NR5A2: variants seen among roughly 807,000 people sequenced by gnomAD.
NR5A2 encodes the protein CYP7A promoter-binding factor.
A neutral mutation model predicts 62.7 loss-of-function variants in NR5A2; 26 were observed. The ratio of observed to expected loss-of-function variants is 0.41; its 90% confidence interval spans 0.30 to 0.58. NR5A2 has a LOEUF of 0.58. Ranked by LOEUF, NR5A2 falls within the 20% of genes least tolerant of loss-of-function variation. The pLI is 0.22. For synonymous variants in NR5A2, 246 were observed against 241.7 expected, an observed-to-expected ratio of 1.02 and a Z score of -0.16; for missense variants, 541 against 669.1, an observed-to-expected ratio of 0.81 and a Z score of 2.11.
chr1:200,164,968 C>A (rs779655635), intron 7 of NR5A2, among the ~76,000 whole-genome samples: 1 of 147,702 alleles, frequency 6.8e-6, no homozygotes, highest in African/African-American at 2.5e-5. Context: ...CCTCCAACTC[C>A]CGGATTCAAG....
At chr1:200,099,636 C>T (rs953984291) in intron 5 of NR5A2, among the ~76,000 whole-genome samples, 30 of 152,064 alleles carry the variant, frequency 2.0e-4, no homozygotes, top group African/African-American at 2.9e-4. Context: ...CTCTGTCGCC[C>T]GGGCTGGAGT....
At position 200,052,682 on chromosome 1, in the gene NR5A2, C is replaced by T. The variant is rs555077979; in HGVS notation, c.1110+3864C>T. ...TTTGAGACGGAGTCTTGCTTTGTCG[C>T]CCAGGTTGGAGTGCAGTGGTGCGAT... On this transcript the variant is annotated intron_variant, in intron 5 of 7. Coordinates refer to ENST00000367362, the MANE Select transcript of NR5A2 (RefSeq NM_205860.3). Among the ~76,000 whole-genome samples, 17 of 151,932 alleles carry T rather than the reference C, an allele frequency of 1.1e-4. 1 individual carries two copies. The South Asian group carries it at 3.5e-3, about 32-fold the overall frequency.
intron 5 of NR5A2, among the ~76,000 whole-genome samples, chr1:200,079,752 A>G (rs1437913842): frequency 6.6e-6 from 1 of 152,182 alleles, no homozygotes; most frequent in Non-Finnish European, 1.5e-5. Flanking sequence ...GCCCACTGGC[A>G]GGCTGTTGGA....
At chr1:200,139,535 G>A (rs1667361341) in intron 7 of NR5A2, among the ~76,000 whole-genome samples, 1 of 152,114 alleles carries the variant, frequency 6.6e-6, no homozygotes, top group South Asian at 2.1e-4. Flanking sequence ...ATTGATCTTG[G>A]AGAGAGATCC....
At chr1:200,170,784 C>G (rs145477892) in intron 7 of NR5A2, among the ~76,000 whole-genome samples, 12 of 152,234 alleles carry the variant, frequency 7.9e-5, no homozygotes, top group Non-Finnish European at 1.3e-4. Context: ...CATCACAGGA[C>G]TTTTTGAATA....
intron 7 of NR5A2, among the ~76,000 whole-genome samples, chr1:200,173,272 T>C (rs1654266167): frequency 6.6e-6 from 1 of 152,210 alleles, no homozygotes; most frequent in African/African-American, 2.4e-5. Flanking sequence ...CTTTAGAAAC[T>C]ACATGCAGGT....
rs181160358 is a variant in NR5A2 at position 200,061,909 on chromosome 1, C to T, written c.1110+13091C>T. ...TTTACCTGAGAGAGCAGGATAATTA[C>T]TTCATTTAAATTAAAAACATATTTT... On this transcript the variant is annotated intron_variant, in intron 5 of 7. Transcript: ENST00000367362. Among the ~76,000 whole-genome samples, 489 of 152,270 alleles carry T rather than the reference C, an allele frequency of 3.2e-3. 2 individuals carry two copies. Among genetic ancestry groups the T allele is most frequent in the Non-Finnish European group, 5.4e-3 (364 of 68,026 alleles).
chr1:200,131,455 T>C (rs1450626663), intron 7 of NR5A2, among the ~76,000 whole-genome samples: 2 of 152,246 alleles, frequency 1.3e-5, no homozygotes, highest in East Asian at 3.8e-4. Context: ...ATTTTAGCTG[T>C]TAATGCTTAT....
chr1:200,170,852 A>T (rs1323536838), intron 7 of NR5A2, among the ~76,000 whole-genome samples: 1 of 152,244 alleles, frequency 6.6e-6, no homozygotes, highest in African/African-American at 2.4e-5. Context: ...TCCATTACAT[A>T]TATGCCAAAT....
intron 5 of NR5A2, among the ~76,000 whole-genome samples, chr1:200,101,206 G>T (rs1222504618): frequency 6.6e-6 from 1 of 152,094 alleles, no homozygotes; most frequent in East Asian, 1.9e-4. Flanking sequence ...GCTATGTCTT[G>T]TTGGTCCAAT....
intron 1 of NR5A2, among the ~76,000 whole-genome samples, chr1:200,034,392 C>A (rs867090892): frequency 6.6e-6 from 1 of 152,274 alleles, no homozygotes; most frequent in African/African-American, 2.4e-5. Context: ...AAGACCGGAT[C>A]TCCCTGTTAC....
rs141366286 is a variant in NR5A2, at chr1:200,066,814, C to G, written c.1110+17996C>G. ...TGTTGGTCAGGGTGATCTCGAACTT[C>G]TGACCTCCAGTGATCTGCCCACCTC... On this transcript the variant is annotated intron_variant, in intron 5 of 7. Coordinates refer to ENST00000367362, the MANE Select transcript of NR5A2 (RefSeq NM_205860.3). Among the ~76,000 whole-genome samples, 1,333 of 152,304 alleles carry G rather than the reference C, an allele frequency of 8.8e-3. 10 individuals carry two copies. Among genetic ancestry groups the G allele is most frequent in the Middle Eastern group, 0.024 (7 of 294 alleles).
At chr1:200,114,800 AC>A (rs1666138999) in intron 6 of NR5A2, among the ~76,000 whole-genome samples, 1 of 152,128 alleles carries the variant, frequency 6.6e-6, no homozygotes, top group African/African-American at 2.4e-5. Context: ...CAAGGTCAAG[AC>A]CCATCTAGTA....
At chr1:200,085,245 C>T (rs1664468555) in intron 5 of NR5A2, among the ~76,000 whole-genome samples, 2 of 152,174 alleles carry the variant, frequency 1.3e-5, no homozygotes, top group African/African-American at 4.8e-5. Context: ...GATTAAATGA[C>T]TTAACACAAA....
In NR5A2 at chr1:200,041,463, C is replaced by T. The variant is rs547294605; in HGVS notation, c.202+1668C>T. ...GGAGGAGCCCCTGGGGGATGGGGAC[C>T]CCATTCTCCTGCTTGCTCTGGTTCC... On this transcript the variant is annotated intron_variant, in intron 2 of 7. Transcript: ENST00000367362. 1.4e-4 allele frequency among the ~76,000 whole-genome samples: 22 copies of T among 152,174 alleles called. 1 individual carries two copies. In the South Asian group the frequency reaches 2.5e-3, roughly 17 times the overall value.
At position 200,094,981 on chromosome 1, in the gene NR5A2, TAAC is replaced by T. The variant is rs377262968; in HGVS notation, c.1111-16218_1111-16216del. 1.1e-4 allele frequency among the ~76,000 whole-genome samples: 16 copies of T among 152,220 alleles called. No homozygotes were observed. In the South Asian group the frequency reaches 2.7e-3, roughly 26 times the overall value. On this transcript the variant is annotated intron_variant, in intron 5 of 7. Transcript: ENST00000367362. ...AGAACATAAAGGAATATGTTAAACA[TAAC>T]AAGAAGACTGGACATATTTGTAAGA...
chr1:200,164,433 T>C (rs1376574962), intron 7 of NR5A2, among the ~76,000 whole-genome samples: 2 of 152,226 alleles, frequency 1.3e-5, no homozygotes, highest in Non-Finnish European at 2.9e-5. Flanking sequence ...TCATAGGTAT[T>C]CACTATACTA....
chr1:200,128,465 C>T lies in NR5A2; in HGVS notation c.1378+7510C>T, dbSNP rs77161522. On this transcript the variant is annotated intron_variant, in intron 7 of 7. Coordinates refer to ENST00000367362, the MANE Select transcript of NR5A2 (RefSeq NM_205860.3). ...GCTGATTGTCACCTCTTAGGTATGA[C>T]GTTTTCTTTGGACCATTCACTAGAC... Among the ~76,000 whole-genome samples the T allele has an allele frequency of 3.0e-4, 46 of 152,218 alleles. 1 individual carries two copies. Among genetic ancestry groups the T allele is most frequent in the East Asian group, 9.6e-4 (5 of 5,182 alleles).
intron 7 of NR5A2, among the ~76,000 whole-genome samples, chr1:200,153,887 ATAAT>A (rs1185812355): frequency 6.6e-6 from 1 of 152,196 alleles, no homozygotes; most frequent in Non-Finnish European, 1.5e-5. Flanking sequence ...AATTATGATT[ATAAT>A]TATTTCATTC....
Sources: gnomAD v4.1 joint callset for allele counts (sites outside exome capture counted in the v4.1 genomes callset) on GRCh38, gnomAD v4.1.1 for gene constraint, MANE v1.5 for transcripts, NCBI Gene and HGNC (gene_info 2026-07-23, HGNC 2026-07-21) for gene names.